The following ATP7B variants were observed in gnomAD, a reference collection of about 807,000 sequenced individuals.
ATP7B encodes copper-transporting ATPase 2.
In ATP7B, 113 loss-of-function variants were observed where a neutral mutation model predicts 118.9. That is an observed-to-expected ratio of 0.95 (90% CI 0.82 to 1.11). ATP7B has a LOEUF of 1.11. Among genes scored for constraint, ATP7B ranks in the 50% most tolerant of loss-of-function variants. The probability of loss-of-function intolerance (pLI) is 0.00; values close to 1 mark genes in which losing one functional copy is unlikely to be tolerated. For synonymous variants in ATP7B, 777 were observed against 727.4 expected (o/e 1.07, Z -1.10); for missense variants, 1,867 against 1,871.4 (o/e 1.00, Z 0.04).
rs778775834 is a variant in ATP7B at position 51,974,062 on chromosome 13, C to T, written c.1158G>A (p.Gly386=). ...CCAAAGACACCGATATTTGCTGCACCCCTTCCAGTTGGGAGATCATGCCTT... is the reference window on the plus strand; with the variant it reads ...CCAAAGACACCGATATTTGCTGCACTCCTTCCAGTTGGGAGATCATGCCTT... ...SIEGMISQLE[G]VQQISVSLAE... The change falls in exon 2 of 21, where the codon GGG becomes GGA. Residue 386 remains glycine (G), a synonymous_variant. Coordinates refer to ENST00000242839, the MANE Select transcript of ATP7B (RefSeq NM_000053.4). 6.2e-7 allele frequency: 1 copy of T among 1,614,208 alleles called. No individual in the cohort carries two copies. Among genetic ancestry groups the T allele is most frequent in the Non-Finnish European group, 8.5e-7 (1 of 1,180,040 alleles).
chr13:51,981,022 T>G (rs1309756081), intron 1 of ATP7B, among the ~76,000 whole-genome samples: 1 of 152,214 alleles, frequency 6.6e-6, no homozygotes, highest in African/African-American at 2.4e-5. Flanking sequence ...TTTATGAGGA[T>G]GGCATTTTAT....
chr13:51,937,599 C>A lies in ATP7B; in HGVS notation c.3780G>T (p.Lys1260Asn). ...CCCCATCCCCCACCATGGCGACTTTCTTCCCTTTATTCTGGAGCTCCTGGA... is the reference window on the plus strand; with the variant it reads ...CCCCATCCCCCACCATGGCGACTTTATTCCCTTTATTCTGGAGCTCCTGGA... ...AKVQELQNKG[K>N]KVAMVGDGVN... The change falls in exon 18 of 21, where the codon AAG (lysine) becomes AAT (asparagine). Residue 1260 changes from lysine (K) to asparagine (N), a missense_variant. Coordinates refer to ENST00000242839, the MANE Select transcript of ATP7B (RefSeq NM_000053.4). 1 of 1,614,266 alleles carries A rather than the reference C, an allele frequency of 6.2e-7. No individual in the cohort carries two copies. The highest frequency in any genetic ancestry group is 8.5e-7 in the Non-Finnish European group (1 of 1,180,048).
chr13:52,008,416 T>C (rs116359979), intron 1 of ATP7B, among the ~76,000 whole-genome samples: 1,877 of 152,268 alleles, frequency 0.012, 40 homozygotes, highest in African/African-American at 0.043. Flanking sequence ...CCACTGGTGA[T>C]TGGCACAATC....
Position 51,958,520 on chromosome 13 carries a change from C to T in ATP7B, c.2146G>A (p.Val716Ile), listed in dbSNP as rs886038219. Residue 716 changes from valine (V) to isoleucine (I), a missense_variant, in exon 8 of 21, where the codon GTT (valine) becomes ATT (isoleucine). By Grantham distance (29) the Val-to-Ile change is conservative (BLOSUM62 3). Transcript: ENST00000242839. ...VQLLGGWYFYVQAYKSLRHRS... is the reference protein window; with the variant it reads ...VQLLGGWYFYIQAYKSLRHRS... ...TGTCTCAGAGATTTGTAGGCCTGAA[C>T]GTAGAAGTACCACCCACCGAGGAGC... The T allele has an allele frequency of 4.3e-6, 7 of 1,614,144 alleles. No homozygotes were observed. Among genetic ancestry groups the T allele is most frequent in the South Asian group, 2.2e-5 (2 of 91,076 alleles).
intron 12 of ATP7B, among the ~76,000 whole-genome samples, chr13:51,948,686 G>A (rs985288996): frequency 2.0e-5 from 3 of 152,120 alleles, no homozygotes; most frequent in African/African-American, 7.2e-5. Flanking sequence ...GCTGCCAACT[G>A]AGAATCACAG....
intron 8 of ATP7B, chr13:51,957,874 T>C (rs373659050): frequency 2.0e-6 from 1 of 502,086 alleles, no homozygotes; most frequent in Non-Finnish European, 3.6e-6. Flanking sequence ...CCACTGACCA[T>C]TTTCTTTTAG....
At chr13:51,937,414 G>A in intron 18 of ATP7B, 21 bp from the exon 19 acceptor site, 1 of 1,614,192 alleles carries the variant, frequency 6.2e-7, no homozygotes, top group Admixed American at 1.7e-5. Context: ...GGAGCACACA[G>A]TGAGGAAGGG....
chr13:51,950,454 G>T, intron 9 of ATP7B, 55 bp from the exon 10 acceptor site: 2 of 1,610,416 alleles, frequency 1.2e-6, no homozygotes, highest in Non-Finnish European at 1.7e-6. Flanking sequence ...CACCGGGTCA[G>T]GTTCTAGGCC....
At chr13:52,009,031 T>C (rs956167740) in intron 1 of ATP7B, among the ~76,000 whole-genome samples, 2 of 152,106 alleles carry the variant, frequency 1.3e-5, no homozygotes, top group African/African-American at 4.8e-5. Context: ...CACACCATTA[T>C]GCCCAGCTAA....
intron 1 of ATP7B, among the ~76,000 whole-genome samples, chr13:51,982,674 G>A (rs545720647): frequency 1.8e-4 from 28 of 152,306 alleles, no homozygotes; most frequent in Admixed American, 2.6e-4. Context: ...AGCTCCCAGC[G>A]AGATCAACGC....
chr13:51,998,606 T>C (rs1175585394), intron 1 of ATP7B, among the ~76,000 whole-genome samples: 1 of 152,232 alleles, frequency 6.6e-6, no homozygotes, highest in African/African-American at 2.4e-5. Flanking sequence ...CACTAGATTA[T>C]TCTGTCTTCC....
At chr13:51,946,664 C>A (rs759930239) in intron 12 of ATP7B, 186 bp from the exon 13 acceptor site, 2 of 688,820 alleles carry the variant, frequency 2.9e-6, no homozygotes, top group Non-Finnish European at 5.1e-6. Flanking sequence ...CACATCCCAG[C>A]TATCCAACTT....
At position 52,011,338 on chromosome 13, in the gene ATP7B, C is replaced by T; in HGVS notation, c.-1G>A. 1.2e-6 allele frequency: 2 copies of T among 1,614,224 alleles called. No individual in the cohort carries two copies. The highest frequency in any genetic ancestry group is 1.7e-6 in the Non-Finnish European group (2 of 1,180,026). ...TGATCTGTCTCTCCTGCTCAGGCAT[C>T]GTCCCGCACGGACACCGAATTCTTC... On this transcript the variant is annotated 5_prime_UTR_variant, in exon 1 of 21. Coordinates refer to ENST00000242839, the MANE Select transcript of ATP7B (RefSeq NM_000053.4).
At chr13:51,969,127 A>AT (rs1259086864) in intron 3 of ATP7B, among the ~76,000 whole-genome samples, 84 of 148,914 alleles carry the variant, frequency 5.6e-4, no homozygotes, top group Admixed American at 2.0e-3. Flanking sequence ...CCAAGGCATC[A>AT]TTTTTTTTTA....
intron 19 of ATP7B, 114 bp from the exon 20 acceptor site, chr13:51,935,809 C>T (rs1956926189): frequency 1.3e-5 from 12 of 890,366 alleles, no homozygotes; most frequent in South Asian, 1.1e-4. Flanking sequence ...CTCCACCTGG[C>T]GTGCTCAGAA....
In ATP7B at chr13:52,011,353, C is replaced by G. The variant is rs749567460; in HGVS notation, c.-16G>C. On this transcript the variant is annotated 5_prime_UTR_variant, in exon 1 of 21. Transcript: ENST00000242839. The stretch of plus-strand genomic sequence containing the variant: ...GCTCAGGCATCGTCCCGCACGGACA[C>G]CGAATTCTTCTCTGATCTGGCTCAG... The G allele has an allele frequency of 6.2e-7, 1 of 1,614,200 alleles. No individual in the cohort carries two copies. The highest frequency in any genetic ancestry group is 8.5e-7 in the Non-Finnish European group (1 of 1,180,004).
At chr13:51,939,242 G>A (rs779799718) in intron 16 of ATP7B, 49 bp from the exon 17 acceptor site, 9 of 1,607,076 alleles carry the variant, frequency 5.6e-6, no homozygotes, top group East Asian at 4.5e-5. Context: ...GGGGCACCCC[G>A]CACCAAGATA....
In ATP7B at chr13:51,937,352, C is replaced by T. The variant is rs1957029752; in HGVS notation, c.3945G>A (p.Lys1315=). ...LDVVASIHLS[K]RTVRRIRINL... The stretch of plus-strand genomic sequence containing the variant: ...TGATGCGTATCCTTCGGACAGTCCT[C>T]TTGGAAAGGTGAATGCTAGCCACCA... The change falls in exon 19 of 21, where the codon AAG becomes AAA. Residue 1315 remains lysine (K), a synonymous_variant. Transcript: ENST00000242839. The T allele has an allele frequency of 6.2e-7, 1 of 1,614,106 alleles. No individual in the cohort carries two copies. Among genetic ancestry groups the T allele is most frequent in the Non-Finnish European group, 8.5e-7 (1 of 1,180,048 alleles).
chr13:51,940,759 T>A (rs958710372), intron 16 of ATP7B, among the ~76,000 whole-genome samples: 1 of 152,190 alleles, frequency 6.6e-6, no homozygotes, highest in African/African-American at 2.4e-5. Flanking sequence ...AGTGAATTCC[T>A]GCTCTGTCTG....
Sources: allele counts gnomAD v4.1 joint callset (sites outside exome capture counted in the v4.1 genomes callset), GRCh38; gene constraint gnomAD v4.1.1; transcripts MANE v1.5; gene names NCBI Gene and HGNC (gene_info 2026-07-23, HGNC 2026-07-21).